NXN: variants seen among roughly 807,000 people sequenced by gnomAD.
NXN encodes nucleoredoxin.
A neutral mutation model predicts 48.6 loss-of-function variants in NXN; 16 were observed. The ratio of observed to expected loss-of-function variants is 0.33; its 90% confidence interval spans 0.22 to 0.50. The LOEUF is 0.50. NXN is among the 20% of genes least tolerant of loss of function. The probability of loss-of-function intolerance (pLI) is 0.98; values close to 1 mark genes in which losing one functional copy is unlikely to be tolerated. For synonymous variants in NXN, 281 were observed against 269.6 expected, an observed-to-expected ratio of 1.04 and a Z score of -0.41; for missense variants, 492 against 605.5, an observed-to-expected ratio of 0.81 and a Z score of 1.97.
chr17:962,019 C>T (rs2150629768), intron 1 of NXN, among the ~76,000 whole-genome samples: 1 of 151,526 alleles, frequency 6.6e-6, no homozygotes, highest in East Asian at 2.1e-4. Flanking sequence ...CCTGTAATCC[C>T]AGCTACTCAG....
At chr17:926,609 A>G (rs534532983) in intron 1 of NXN, among the ~76,000 whole-genome samples, 1 of 150,344 alleles carries the variant, frequency 6.7e-6, no homozygotes, top group South Asian at 2.1e-4. Context: ...GCAGTGGTGC[A>G]ATCTCGGCTC....
chr17:919,466 C>T lies in NXN; in HGVS notation c.360+59853G>A, dbSNP rs563363582. Among the ~76,000 whole-genome samples the T allele has an allele frequency of 3.9e-5, 6 of 152,278 alleles. No individual in the cohort carries two copies. The highest frequency in any genetic ancestry group is 1.9e-4 in the East Asian group (1 of 5,186). On this transcript the variant is annotated intron_variant, in intron 1 of 7. Transcript: ENST00000336868. This position sits in a 1 kb window ranked among gnomAD's most constrained non-coding sequence, Gnocchi z 5.1. ...AATCATTCCTTAAGATGCTAGAAAACGTGTTATTGTAACACGAGGAAAAAG... is the reference window on the plus strand; with the variant it reads ...AATCATTCCTTAAGATGCTAGAAAATGTGTTATTGTAACACGAGGAAAAAG...
At chr17:961,633 C>T (rs1158030307) in intron 1 of NXN, among the ~76,000 whole-genome samples, 1 of 152,226 alleles carries the variant, frequency 6.6e-6, no homozygotes, top group Admixed American at 6.5e-5. Flanking sequence ...CACTTCTAAA[C>T]TGACATTAAT....
chr17:970,251 A>C (rs897753477), intron 1 of NXN, among the ~76,000 whole-genome samples: 4 of 152,080 alleles, frequency 2.6e-5, no homozygotes, highest in Non-Finnish European at 5.9e-5. Flanking sequence ...ATTTCACTGG[A>C]AGTTGGAACG....
At chr17:891,899 GGGAACCTAAA>G (rs1567851305) in intron 1 of NXN, among the ~76,000 whole-genome samples, 190 of 131,590 alleles carry the variant, frequency 1.4e-3, no homozygotes, top group African/African-American at 1.9e-3. Flanking sequence ...CAACCCAACA[GGGAACCTAAA>G]CTAACCCCAC....
intron 1 of NXN, among the ~76,000 whole-genome samples, chr17:836,519 A>T (rs756415926): frequency 1.3e-5 from 2 of 152,036 alleles, no homozygotes; most frequent in Non-Finnish European, 2.9e-5. Flanking sequence ...CATGATATAC[A>T]CTGAGAGCAG....
intron 5 of NXN, among the ~76,000 whole-genome samples, chr17:811,111 G>A (rs1340060768): frequency 6.6e-6 from 1 of 152,178 alleles, no homozygotes; most frequent in Non-Finnish European, 1.5e-5. Flanking sequence ...GAAAGAAGGA[G>A]GCGGAGAAGG....
chr17:888,802 A>T (rs1311409584), intron 1 of NXN, among the ~76,000 whole-genome samples: 1 of 151,850 alleles, frequency 6.6e-6, no homozygotes, highest in Non-Finnish European at 1.5e-5. Context: ...TAAAAATACA[A>T]AAATTAGCTG....
intron 1 of NXN, among the ~76,000 whole-genome samples, chr17:965,122 G>A (rs563201938): frequency 6.6e-6 from 1 of 152,154 alleles, no homozygotes; most frequent in Non-Finnish European, 1.5e-5. Flanking sequence ...AGGGTCCTCT[G>A]CAGGAAACAA....
chr17:894,196 AAAC>A (rs1396073368), intron 1 of NXN, among the ~76,000 whole-genome samples: 1 of 16,586 alleles, frequency 6.0e-5, no homozygotes, highest in East Asian at 2.3e-3. Context: ...GAAGCATCTC[AAAC>A]GCCCTGGAAG....
intron 1 of NXN, among the ~76,000 whole-genome samples, chr17:868,274 C>G (rs2068113782): frequency 6.6e-6 from 1 of 152,122 alleles, no homozygotes; most frequent in Admixed American, 6.5e-5. Flanking sequence ...GTGGGATTCC[C>G]TCTATCCCAG....
At chr17:893,181 G>A (rs753382491) in intron 1 of NXN, among the ~76,000 whole-genome samples, 10 of 152,238 alleles carry the variant, frequency 6.6e-5, no homozygotes, top group African/African-American at 1.4e-4. Context: ...CAATGCTCTC[G>A]TTACTTCCAC....
At chr17:906,758 C>T (rs1406026509) in intron 1 of NXN, among the ~76,000 whole-genome samples, 3 of 150,582 alleles carry the variant, frequency 2.0e-5, no homozygotes, top group South Asian at 2.1e-4. Context: ...TAGTGGAAAT[C>T]GGGTTTCATT....
chr17:952,744 ACACTGTGGGGGGGGCTG>A, intron 1 of NXN, among the ~76,000 whole-genome samples: 1 of 96,810 alleles, frequency 1.0e-5, no homozygotes, highest in African/African-American at 3.5e-5. Flanking sequence ...ACGGACGGTC[ACACTGTGGGGGGGGCTG>A]GAGTCAGACA....
At chr17:945,343 A>G (rs2150610460) in intron 1 of NXN, among the ~76,000 whole-genome samples, 1 of 152,110 alleles carries the variant, frequency 6.6e-6, no homozygotes, top group African/African-American at 2.4e-5. Context: ...CGGCGTCCTA[A>G]AGCAGTGGGA....
At chr17:896,272 A>G (rs1054507054) in intron 1 of NXN, among the ~76,000 whole-genome samples, 3 of 151,320 alleles carry the variant, frequency 2.0e-5, no homozygotes, top group Non-Finnish European at 4.4e-5. Flanking sequence ...CCCAGGAGGC[A>G]GAGGTTGCAG....
intron 1 of NXN, among the ~76,000 whole-genome samples, chr17:972,558 G>A (rs1020517523): frequency 6.6e-6 from 1 of 152,194 alleles, no homozygotes; most frequent in African/African-American, 2.4e-5. Flanking sequence ...CATGCAGGAA[G>A]GATCCCACCT....
intron 5 of NXN, among the ~76,000 whole-genome samples, chr17:812,472 C>G (rs888089907): frequency 1.2e-4 from 18 of 152,214 alleles, no homozygotes; most frequent in African/African-American, 4.1e-4. Flanking sequence ...CACAGACAGA[C>G]TCAAACAGGG....
At chr17:840,841 G>A (rs1284848746) in intron 1 of NXN, among the ~76,000 whole-genome samples, 1 of 152,198 alleles carries the variant, frequency 6.6e-6, no homozygotes, top group Non-Finnish European at 1.5e-5. Flanking sequence ...CAAACACACA[G>A]ACGACTCCCA....
Sources: gnomAD v4.1 joint callset for allele counts (sites outside exome capture counted in the v4.1 genomes callset) on GRCh38, gnomAD v4.1.1 for gene constraint, Gnocchi (gnomAD v3.1) non-coding constraint, MANE v1.5 for transcripts, NCBI Gene and HGNC (gene_info 2026-07-23, HGNC 2026-07-21) for gene names.